EXT2: variants seen among roughly 807,000 people sequenced by gnomAD.
The protein encoded by EXT2 is exostosin glycosyltransferase 2.
In EXT2, 53 loss-of-function variants were observed where a neutral mutation model predicts 81.6. That is an observed-to-expected ratio of 0.65 (90% CI 0.52 to 0.82). The LOEUF (loss-of-function observed/expected upper bound fraction) is 0.82. Among genes scored for constraint, EXT2 ranks in the 40% least tolerant of loss-of-function variants. The pLI is 0.00. For synonymous variants in EXT2, 320 were observed against 340.0 expected (o/e 0.94, Z 0.65); for missense variants, 774 against 910.2 (o/e 0.85, Z 1.93).
intron 10 of EXT2, among the ~76,000 whole-genome samples, chr11:44,211,035 C>CA (rs1425431271): frequency 6.6e-6 from 1 of 152,170 alleles, no homozygotes; most frequent in African/African-American, 2.4e-5. Flanking sequence ...GCAGGACTTA[C>CA]ACTCCTTATT....
At chr11:44,232,827 C>A (rs1049448758) in intron 11 of EXT2, among the ~76,000 whole-genome samples, 4 of 152,210 alleles carry the variant, frequency 2.6e-5, no homozygotes, top group African/African-American at 9.6e-5. Context: ...CATTAGCCTG[C>A]TTTTTCATGG....
intron 8 of EXT2, among the ~76,000 whole-genome samples, chr11:44,196,810 TAC>T (rs1212448446): frequency 6.6e-6 from 1 of 152,240 alleles, no homozygotes; most frequent in Non-Finnish European, 1.5e-5. Context: ...TTGTTTCTGT[TAC>T]TTCTAAGTTC....
Position 44,247,810 on chromosome 11 carries a change from G to T in EXT2, c.*3523G>T, listed in dbSNP as rs1202857012. On this transcript the variant is annotated 3_prime_UTR_variant, in exon 14 of 14. Coordinates refer to ENST00000533608, the MANE Select transcript of EXT2 (RefSeq NM_207122.2). The stretch of plus-strand genomic sequence containing the variant: ...TGTGATCCTAGCTTCCTTCTAGGAT[G>T]ATAGCCTCTGACAGGCACCATGCCA... Among the ~76,000 whole-genome samples, 3 of 152,240 alleles carry T rather than the reference G, an allele frequency of 2.0e-5. No homozygotes were observed. In the East Asian group the frequency reaches 5.8e-4, roughly 29 times the overall value.
At chr11:44,237,767 T>C (rs1955983445) in intron 13 of EXT2, among the ~76,000 whole-genome samples, 1 of 151,846 alleles carries the variant, frequency 6.6e-6, no homozygotes, top group Non-Finnish European at 1.5e-5. Flanking sequence ...GTAAAGAGGT[T>C]TAAAATGCAG....
At chr11:44,229,661 G>A (rs11037907) in intron 10 of EXT2, among the ~76,000 whole-genome samples, 187 of 152,316 alleles carry the variant, frequency 1.2e-3, no homozygotes, top group Non-Finnish European at 2.3e-3. Flanking sequence ...TGCTTTAGTG[G>A]GGAATTAGGA....
At chr11:44,199,157 C>G (rs1323943633) in intron 9 of EXT2, among the ~76,000 whole-genome samples, 2 of 152,134 alleles carry the variant, frequency 1.3e-5, no homozygotes, top group African/African-American at 4.8e-5. Context: ...AACACTATAA[C>G]ATGGCCAGTT....
chr11:44,219,398 C>T (rs1160835534), intron 10 of EXT2, among the ~76,000 whole-genome samples: 1 of 151,924 alleles, frequency 6.6e-6, no homozygotes, highest in African/African-American at 2.4e-5. Context: ...CCTGTAGTCC[C>T]AGCTACTCAG....
chr11:44,177,435 A>G (rs1374779909), intron 8 of EXT2, among the ~76,000 whole-genome samples: 1 of 152,158 alleles, frequency 6.6e-6, no homozygotes, highest in African/African-American at 2.4e-5. Flanking sequence ...GCTAGCCTCT[A>G]TAGCTAGGGT....
chr11:44,123,919 G>A (rs1449370617), intron 4 of EXT2, among the ~76,000 whole-genome samples: 1 of 150,102 alleles, frequency 6.7e-6, no homozygotes, highest in African/African-American at 2.5e-5. Context: ...GACCCTTGGA[G>A]ATCTTTCTTC....
intron 1 of EXT2, among the ~76,000 whole-genome samples, chr11:44,103,324 A>T (rs1298973338): frequency 1.3e-5 from 2 of 152,074 alleles, no homozygotes; most frequent in Non-Finnish European, 2.9e-5. Context: ...TTTTGGAAAA[A>T]CTTAAAAAAA....
chr11:44,128,582 A>G (rs1367734769), intron 6 of EXT2, among the ~76,000 whole-genome samples: 1 of 152,198 alleles, frequency 6.6e-6, no homozygotes, highest in East Asian at 1.9e-4. Flanking sequence ...ACTGGATGGG[A>G]TGCCAGGAGG....
intron 1 of EXT2, among the ~76,000 whole-genome samples, chr11:44,105,914 C>T (rs1199577925): frequency 2.6e-5 from 4 of 152,186 alleles, no homozygotes; most frequent in African/African-American, 9.7e-5. Flanking sequence ...CATTTATTTG[C>T]TGATGATTGT....
At position 44,126,899 on chromosome 11, in the gene EXT2, G is replaced by A. The variant is rs757323768; in HGVS notation, c.1023G>A (p.Pro341=). The A allele has an allele frequency of 4.1e-5, 66 of 1,614,022 alleles. No homozygotes were observed. The highest frequency in any genetic ancestry group is 2.4e-5 in the Non-Finnish European group (28 of 1,180,046). The part of the protein sequence containing the change: ...LSDVLQAGCV[P]VVIADSYILP... Reference sequence around the variant, plus strand: ...ATGTGTTACAAGCTGGCTGTGTCCCGGTTGTCATTGCAGACTCCTATATTT... The same window carrying A: ...ATGTGTTACAAGCTGGCTGTGTCCCAGTTGTCATTGCAGACTCCTATATTT... The change falls in exon 6 of 14, where the codon CCG becomes CCA. Residue 341 remains proline, a synonymous_variant. Transcript: ENST00000533608.
intron 13 of EXT2, among the ~76,000 whole-genome samples, chr11:44,241,401 C>T (rs969310682): frequency 1.3e-5 from 2 of 152,228 alleles, no homozygotes. Flanking sequence ...ATCTGTTCAT[C>T]TCCTAACATA....
In EXT2 at chr11:44,247,829, C is replaced by T. The variant is rs962141443; in HGVS notation, c.*3542C>T. Among the ~76,000 whole-genome samples, 21 of 152,236 alleles carry T rather than the reference C, an allele frequency of 1.4e-4. No individual in the cohort carries two copies. Among genetic ancestry groups the T allele is most frequent in the Non-Finnish European group, 1.5e-5 (1 of 68,042 alleles). On this transcript the variant is annotated 3_prime_UTR_variant, in exon 14 of 14. Transcript: ENST00000533608. ...TAGGATGATAGCCTCTGACAGGCAC[C>T]ATGCCAGGAGGAAACTAGAGCGTCT... is the stretch of plus-strand genomic sequence containing the variant.
intron 10 of EXT2, among the ~76,000 whole-genome samples, chr11:44,208,432 T>C (rs1955609619): frequency 1.3e-5 from 2 of 152,218 alleles, no homozygotes; most frequent in Admixed American, 6.5e-5. Context: ...CTGAGTTTGT[T>C]TTAAGCAACT....
rs931221063 is a variant in EXT2 at position 44,207,019 on chromosome 11, C to T, written c.1662+60C>T. On this transcript the variant is annotated intron_variant, in intron 10 of 13. Coordinates refer to ENST00000533608, the MANE Select transcript of EXT2 (RefSeq NM_207122.2). ...AATATTACTTCCTATGACTGCTTGTCTTTTCTAAAAAAGAGTATTATATTT... is the reference window on the plus strand; with the variant it reads ...AATATTACTTCCTATGACTGCTTGTTTTTTCTAAAAAAGAGTATTATATTT... 1.4e-4 allele frequency: 211 copies of T among 1,545,780 alleles called. 2 individuals are homozygous for T. The South Asian group carries it at 2.3e-3, about 17-fold the overall frequency.
intron 4 of EXT2, among the ~76,000 whole-genome samples, chr11:44,117,453 T>C (rs1954238409): frequency 6.6e-6 from 1 of 152,226 alleles, no homozygotes; most frequent in Non-Finnish European, 1.5e-5. Flanking sequence ...GGCTCTTACA[T>C]TTAGATTTAT....
At chr11:44,196,991 G>T (rs1955462886) in intron 8 of EXT2, among the ~76,000 whole-genome samples, 1 of 152,178 alleles carries the variant, frequency 6.6e-6, no homozygotes. Context: ...GTAAGATGTT[G>T]GGGTGCCGAG....
Sources: gnomAD v4.1 joint callset for allele counts (sites outside exome capture counted in the v4.1 genomes callset) on GRCh38, gnomAD v4.1.1 for gene constraint, MANE v1.5 for transcripts, NCBI Gene and HGNC (gene_info 2026-07-23, HGNC 2026-07-21) for gene names.